ST8SIA5: variants seen among roughly 807,000 people sequenced by gnomAD.
ST8SIA5 encodes ST8 alpha-N-acetyl-neuraminide alpha-2,8-sialyltransferase 5.
ST8SIA5 carries 24 observed loss-of-function variants against 40.2 expected under a neutral mutation model. The observed-to-expected ratio is 0.60, with a 90% confidence interval of 0.43 to 0.84. The LOEUF (loss-of-function observed/expected upper bound fraction) is 0.84. ST8SIA5 is among the 40% of genes least tolerant of loss of function. The pLI is 0.00. For synonymous variants in ST8SIA5, 198 were observed against 201.8 expected, an observed-to-expected ratio of 0.98 and a Z score of 0.16; for missense variants, 465 against 498.5, an observed-to-expected ratio of 0.93 and a Z score of 0.64.
In ST8SIA5 at chr18:46,675,077, G is replaced by A. The variant is rs1201667579; in HGVS notation, c.*4965C>T. The A allele has an allele frequency of 6.6e-6, 1 of 152,216 alleles. No individual in the cohort carries two copies. The highest frequency in any genetic ancestry group is 1.5e-5 in the Non-Finnish European group (1 of 68,062). 9.4% of individuals were successfully genotyped at this position (152,216 alleles called of 1,614,324 possible). Reference sequence around the variant, plus strand: ...TGAAAGCAAAAAGATCCATCAGATGGTCTGGGTTAGGGCAGTAGCAGAGGG... The same window carrying A: ...TGAAAGCAAAAAGATCCATCAGATGATCTGGGTTAGGGCAGTAGCAGAGGG... On this transcript the variant is annotated 3_prime_UTR_variant, in exon 7 of 7. Coordinates refer to ENST00000315087, the MANE Select transcript of ST8SIA5 (RefSeq NM_013305.6).
chr18:46,704,512 C>A, intron 2 of ST8SIA5, 60 bp downstream of exon 2: 2 of 1,492,688 alleles, frequency 1.3e-6, no homozygotes, highest in South Asian at 1.1e-5. Context: ...ACGCACTCAC[C>A]CCCAACCCCT....
chr18:46,736,847 A>G (rs2040039506), intron 1 of ST8SIA5, among the ~76,000 whole-genome samples: 1 of 151,936 alleles, frequency 6.6e-6, no homozygotes, highest in African/African-American at 2.4e-5. Flanking sequence ...GAACCCCCAC[A>G]GTGTGGCATC....
At chr18:46,724,187 C>T (rs531608405) in intron 1 of ST8SIA5, among the ~76,000 whole-genome samples, 18 of 152,358 alleles carry the variant, frequency 1.2e-4, no homozygotes, top group African/African-American at 4.3e-4. Flanking sequence ...GATGCCCACG[C>T]ACCTCCCTCT....
chr18:46,723,701 G>A (rs954069147), intron 1 of ST8SIA5, among the ~76,000 whole-genome samples: 3 of 152,138 alleles, frequency 2.0e-5, no homozygotes, highest in South Asian at 2.1e-4. Flanking sequence ...CGAGGCAGGC[G>A]GACTGCCTGA....
At position 46,680,310 on chromosome 18, in the gene ST8SIA5, T is replaced by C; in HGVS notation, c.863A>G (p.Tyr288Cys). 2 of 1,614,174 alleles carry C rather than the reference T, an allele frequency of 1.2e-6. No homozygotes were observed. Among genetic ancestry groups the C allele is most frequent in the Non-Finnish European group, 1.7e-6 (2 of 1,180,028 alleles). Residue 288 changes from tyrosine (Y) to cysteine (C), a missense_variant, in exon 7 of 7, where the codon TAC becomes TGC. Coordinates refer to ENST00000315087, the MANE Select transcript of ST8SIA5 (RefSeq NM_013305.6). ...HPQYLVNVSR[Y>C]WLSLGVRAKR... ...GGCGCGCACCCCCAGGCTGAGCCAG[T>C]AGCGCGACACGTTGACCAGGTACTG...
intron 2 of ST8SIA5, among the ~76,000 whole-genome samples, chr18:46,701,173 C>T (rs1328324453): frequency 9.4e-6 from 1 of 105,930 alleles, no homozygotes; most frequent in Non-Finnish European, 1.7e-5. Context: ...TGGTGTCTTG[C>T]TCTGTCAGTT....
chr18:46,742,236 T>C (rs1415511937), intron 1 of ST8SIA5, among the ~76,000 whole-genome samples: 1 of 151,896 alleles, frequency 6.6e-6, no homozygotes, highest in Non-Finnish European at 1.5e-5. Flanking sequence ...ATGATGACAC[T>C]TTTTTAACAT....
chr18:46,702,593 C>T (rs1568259132), intron 2 of ST8SIA5, among the ~76,000 whole-genome samples: 1 of 152,220 alleles, frequency 6.6e-6, no homozygotes, highest in East Asian at 1.9e-4. Flanking sequence ...GGCCTTTGTA[C>T]AGACTGTTCC....
rs1159838161 is a variant in ST8SIA5, at chr18:46,677,966, C to T, written c.*2076G>A. ...GTGGAACAAAATGGTCTTTAAGAAC[C>T]TTCTAGTTTTTATATTCCATGGTTT... On this transcript the variant is annotated 3_prime_UTR_variant, in exon 7 of 7. Coordinates refer to ENST00000315087, the MANE Select transcript of ST8SIA5 (RefSeq NM_013305.6). 6.6e-6 allele frequency: 1 copy of T among 152,214 alleles called. No individual in the cohort carries two copies. 9.4% of individuals were successfully genotyped at this position (152,214 alleles called of 1,614,324 possible).
intron 2 of ST8SIA5, among the ~76,000 whole-genome samples, chr18:46,703,323 T>C (rs2039636877): frequency 6.6e-6 from 1 of 151,986 alleles, no homozygotes; most frequent in Non-Finnish European, 1.5e-5. Context: ...TTTTTTGTGT[T>C]TTTTTTAGTA....
chr18:46,725,258 G>A (rs963995369), intron 1 of ST8SIA5, among the ~76,000 whole-genome samples: 45 of 152,066 alleles, frequency 3.0e-4, no homozygotes, highest in African/African-American at 1.0e-3. Flanking sequence ...ATTTCCACCC[G>A]AGATTTTGCA....
At chr18:46,745,155 A>G (rs2144565411) in intron 1 of ST8SIA5, among the ~76,000 whole-genome samples, 1 of 152,336 alleles carries the variant, frequency 6.6e-6, no homozygotes, top group South Asian at 2.1e-4. Flanking sequence ...AATTCAAAGA[A>G]CTAGAGAAGC....
chr18:46,687,325 T>C (rs977169335), intron 4 of ST8SIA5, among the ~76,000 whole-genome samples: 2 of 152,208 alleles, frequency 1.3e-5, no homozygotes, highest in African/African-American at 4.8e-5. Context: ...GCTAGAATGA[T>C]AGAGGTGAGT....
intron 1 of ST8SIA5, among the ~76,000 whole-genome samples, chr18:46,706,595 G>A (rs904769046): frequency 6.6e-6 from 1 of 152,056 alleles, no homozygotes; most frequent in African/African-American, 2.4e-5. Context: ...TCCAAACCAC[G>A]AGCATCTCAA....
chr18:46,701,842 T>G (rs2039619930), intron 2 of ST8SIA5, among the ~76,000 whole-genome samples: 1 of 152,162 alleles, frequency 6.6e-6, no homozygotes. Flanking sequence ...AAACTATACA[T>G]TTTATAATTT....
At chr18:46,704,089 C>T (rs774512081) in intron 2 of ST8SIA5, among the ~76,000 whole-genome samples, 3 of 150,944 alleles carry the variant, frequency 2.0e-5, no homozygotes, top group African/African-American at 7.3e-5. Context: ...AACTCGGTGG[C>T]TCTTCATTGA....
At chr18:46,723,247 A>T (rs1381895965) in intron 1 of ST8SIA5, 1 of 152,924 alleles carries the variant, frequency 6.5e-6, no homozygotes. Flanking sequence ...TGGATGTGGA[A>T]TATTTCTCTA....
Position 46,756,561 on chromosome 18 carries a change from C to A in ST8SIA5, c.-53G>T. The A allele has an allele frequency of 6.3e-7, 1 of 1,589,234 alleles. No homozygotes were observed. The highest frequency in any genetic ancestry group is 1.4e-5 in the African/African-American group (1 of 73,020). ...GGTACGGGGCGGCCAGGCAATGACT[C>A]GCGGGGTTCCGGGGCCCCGGGGGGC... On this transcript the variant is annotated 5_prime_UTR_variant, in exon 1 of 7. Transcript: ENST00000315087.
chr18:46,744,051 G>A (rs1414839174), intron 1 of ST8SIA5, among the ~76,000 whole-genome samples: 1 of 152,162 alleles, frequency 6.6e-6, no homozygotes, highest in East Asian at 1.9e-4. Flanking sequence ...CCTTACAAGA[G>A]CTCCTGAAGG....
Sources: gnomAD v4.1 joint callset for allele counts (sites outside exome capture counted in the v4.1 genomes callset) on GRCh38, gnomAD v4.1.1 for gene constraint, MANE v1.5 for transcripts, NCBI Gene and HGNC (gene_info 2026-07-23, HGNC 2026-07-21) for gene names.